PTPRD: variants seen among roughly 807,000 people sequenced by gnomAD.
PTPRD encodes the protein receptor-type tyrosine-protein phosphatase delta.
Under a neutral mutation model 214.5 loss-of-function variants are expected in PTPRD, and 34 were observed. That is an observed-to-expected ratio of 0.16 (90% CI 0.12 to 0.21). PTPRD has a LOEUF of 0.21. Among genes scored for constraint, PTPRD ranks in the 10% least tolerant of loss-of-function variants. The pLI is 1.00. For synonymous variants in PTPRD, 1,128 were observed against 845.7 expected (o/e 1.33, Z -5.79); for missense variants, 2,545 against 2,398.7 (o/e 1.06, Z -1.27).
chr9:9,941,783 T>C (rs377656737), intron 4 of PTPRD, among the ~76,000 whole-genome samples: 25 of 152,180 alleles, frequency 1.6e-4, no homozygotes, highest in African/African-American at 5.8e-4. Flanking sequence ...CAGTCACTTT[T>C]GTAACTTTTC....
chr9:10,336,029 G>C (rs754483598), intron 3 of PTPRD, among the ~76,000 whole-genome samples: 2 of 151,736 alleles, frequency 1.3e-5, no homozygotes, highest in Non-Finnish European at 3.0e-5. Flanking sequence ...AGAGAGTTTG[G>C]CAGTTTCTTA....
At chr9:10,181,703 T>TA (rs2099289500) in intron 3 of PTPRD, among the ~76,000 whole-genome samples, 1 of 151,646 alleles carries the variant, frequency 6.6e-6, no homozygotes, top group Non-Finnish European at 1.5e-5. Flanking sequence ...AGTGATGGCC[T>TA]AAAAACATAA....
chr9:8,919,646 C>T (rs2098811207), intron 11 of PTPRD, among the ~76,000 whole-genome samples: 1 of 152,104 alleles, frequency 6.6e-6, no homozygotes, highest in African/African-American at 2.4e-5. Context: ...TAGGTATAAT[C>T]ACATTTATAG....
chr9:8,338,228 G>C (rs567010248), intron 43 of PTPRD, among the ~76,000 whole-genome samples: 1 of 152,216 alleles, frequency 6.6e-6, no homozygotes, highest in South Asian at 2.1e-4. Context: ...CTTAAGATGT[G>C]TTTGTAATCA....
intron 12 of PTPRD, among the ~76,000 whole-genome samples, chr9:8,658,112 A>C (rs2096951636): frequency 6.6e-6 from 1 of 152,190 alleles, no homozygotes; most frequent in African/African-American, 2.4e-5. Context: ...TGTAGAAGTT[A>C]AACTGATTCT....
At chr9:10,066,113 G>T (rs533015916) in intron 3 of PTPRD, among the ~76,000 whole-genome samples, 13 of 151,766 alleles carry the variant, frequency 8.6e-5, no homozygotes, top group Non-Finnish European at 5.9e-5. Flanking sequence ...TTTAGTGGAT[G>T]GTTGGTCTTT....
At chr9:8,696,437 T>C (rs1686022141) in intron 12 of PTPRD, among the ~76,000 whole-genome samples, 1 of 152,174 alleles carries the variant, frequency 6.6e-6, no homozygotes, top group African/African-American at 2.4e-5. Flanking sequence ...TTAAAGTCCC[T>C]CCAGTCTTGG....
intron 9 of PTPRD, among the ~76,000 whole-genome samples, chr9:9,352,132 T>C (rs1170719146): frequency 6.6e-6 from 1 of 151,736 alleles, no homozygotes; most frequent in African/African-American, 2.4e-5. Context: ...ATCAGCTTGA[T>C]TTTTGTCCCC....
At chr9:10,382,168 G>C (rs78998506) in intron 2 of PTPRD, among the ~76,000 whole-genome samples, 4,943 of 151,918 alleles carry the variant, frequency 0.033, 102 homozygotes, top group East Asian at 0.071. Context: ...ATGCCAAACT[G>C]ATCTTTCTAA....
chr9:10,087,641 G>T (rs1437968214), intron 3 of PTPRD, among the ~76,000 whole-genome samples: 1 of 151,620 alleles, frequency 6.6e-6, no homozygotes, highest in Non-Finnish European at 1.5e-5. Flanking sequence ...CCTTCACAGA[G>T]CACCCAAAGG....
At chr9:8,823,974 T>C (rs1054608107) in intron 11 of PTPRD, among the ~76,000 whole-genome samples, 2 of 152,304 alleles carry the variant, frequency 1.3e-5, no homozygotes, top group South Asian at 4.1e-4. Context: ...CTTTTTAGAT[T>C]GTATAGGGTA....
At chr9:10,368,611 A>C (rs979674331) in intron 2 of PTPRD, among the ~76,000 whole-genome samples, 3 of 152,084 alleles carry the variant, frequency 2.0e-5, no homozygotes, top group Non-Finnish European at 2.9e-5. Context: ...GTAATTGAGT[A>C]ATTTTAGGAA....
chr9:10,057,775 G>C (rs2097683973), intron 3 of PTPRD, among the ~76,000 whole-genome samples: 1 of 151,428 alleles, frequency 6.6e-6, no homozygotes, highest in African/African-American at 2.4e-5. Context: ...CCAGGAGACA[G>C]AGGTTGCAGT....
intron 36 of PTPRD, among the ~76,000 whole-genome samples, chr9:8,399,005 T>G (rs1276747864): frequency 6.6e-6 from 1 of 152,100 alleles, no homozygotes; most frequent in African/African-American, 2.4e-5. Context: ...TCTTCATCAC[T>G]TCTAACCCTC....
rs534305250 is a variant in PTPRD, at chr9:8,897,912, C to T, written c.-104+120785G>A. ...ATCTGCCTATATCATGGAACCTTAG[C>T]GAAAAGCAAATGAGATAATATGGCA... is the stretch of plus-strand genomic sequence containing the variant. On this transcript the variant is annotated intron_variant, in intron 11 of 45. Transcript: ENST00000381196. Among the ~76,000 whole-genome samples, 23 of 152,224 alleles carry T rather than the reference C, an allele frequency of 1.5e-4. No homozygotes were observed. The South Asian group carries it at 3.3e-3, about 22-fold the overall frequency.
At chr9:8,328,790 G>C (rs575836129) in intron 44 of PTPRD, among the ~76,000 whole-genome samples, 1 of 151,744 alleles carries the variant, frequency 6.6e-6, no homozygotes, top group East Asian at 2.0e-4. Context: ...CTTCAATCTC[G>C]GACATCCGTT....
intron 2 of PTPRD, among the ~76,000 whole-genome samples, chr9:10,583,501 G>C (rs898864701): frequency 1.3e-5 from 2 of 151,688 alleles, no homozygotes; most frequent in African/African-American, 4.8e-5. Flanking sequence ...GCCCAGGCTG[G>C]ACTGCCGTGG....
chr9:10,230,762 C>A lies in PTPRD; in HGVS notation c.-545+110201G>T, dbSNP rs192090547. On this transcript the variant is annotated intron_variant, in intron 3 of 45. Coordinates refer to ENST00000381196, the MANE Select transcript of PTPRD (RefSeq NM_002839.4). ...AAACTATGTTCATTATGTGTACCAA[C>A]CTATAACAGAAGGTTTCAGTTCTCT... Among the ~76,000 whole-genome samples, 35 of 152,110 alleles carry A rather than the reference C, an allele frequency of 2.3e-4. No homozygotes were observed. In the East Asian group the frequency reaches 4.8e-3, roughly 21 times the overall value.
intron 10 of PTPRD, among the ~76,000 whole-genome samples, chr9:9,152,136 G>C (rs533898918): frequency 8.9e-4 from 135 of 152,272 alleles, no homozygotes; most frequent in Non-Finnish European, 1.6e-3. Context: ...GCTGGTCACT[G>C]GTTCACCCTT....
Sources: allele counts gnomAD v4.1 joint callset (sites outside exome capture counted in the v4.1 genomes callset), GRCh38; gene constraint gnomAD v4.1.1; transcripts MANE v1.5; gene names NCBI Gene and HGNC (gene_info 2026-07-23, HGNC 2026-07-21).